Variants in PCDHA4 observed in about 807,000 individuals in gnomAD.
PCDHA4 encodes protocadherin alpha 4.
PCDHA4 carries 49 observed loss-of-function variants against 61.4 expected under a neutral mutation model. The ratio of observed to expected loss-of-function variants is 0.80; its 90% CI spans 0.63 to 1.01. The LOEUF (loss-of-function observed/expected upper bound fraction) is 1.01, where lower values mean the gene tolerates loss of function less well. Ranked by LOEUF, PCDHA4 falls within the 50% of genes least tolerant of loss-of-function variation. The pLI, the probability that PCDHA4 is intolerant of heterozygous loss-of-function variation, is 0.00. For synonymous variants in PCDHA4, 590 were observed against 550.3 expected (o/e 1.07, Z -1.01); for missense variants, 1,254 against 1,235.8 (o/e 1.01, Z -0.22).
chr5:140,841,816 C>G (rs2150323334), intron 1 of PCDHA4: 1 of 1,613,928 alleles, frequency 6.2e-7, no homozygotes, highest in East Asian at 2.2e-5. Flanking sequence ...TTGGAGCTAA[C>G]TCCGTGTTAA....
At chr5:140,835,885 A>G in intron 1 of PCDHA4, 3 of 1,611,866 alleles carry the variant, frequency 1.9e-6, no homozygotes, top group Non-Finnish European at 2.5e-6. Flanking sequence ...CGGGTGGGCG[A>G]GCGCGCGCTG....
In PCDHA4 at chr5:140,980,207, CT is replaced by C. The variant is rs2096880359; in HGVS notation, c.2444+1204del. Among the ~76,000 whole-genome samples, 4 of 152,182 alleles carry C rather than the reference CT, an allele frequency of 2.6e-5. No individual in the cohort carries two copies. In the South Asian group the frequency reaches 8.3e-4, roughly 31 times the overall value. On this transcript the variant is annotated intron_variant, in intron 2 of 3. Coordinates refer to ENST00000530339, the MANE Select transcript of PCDHA4 (RefSeq NM_018907.4). ...TATATTTATTAGAGACCAACTTGTGCTTTTGCCTGCATCTGAGCTGTTGGTG... is the reference window on the plus strand; with the variant it reads ...TATATTTATTAGAGACCAACTTGTGCTTTGCCTGCATCTGAGCTGTTGGTG...
At chr5:140,834,251 G>T in intron 1 of PCDHA4, 1 of 915,122 alleles carries the variant, frequency 1.1e-6, no homozygotes, top group Non-Finnish European at 1.7e-6. Context: ...GCACTGGAAA[G>T]ACGCTCCACT....
At chr5:140,816,351 T>C (rs1413125816) in intron 1 of PCDHA4, 1 of 152,232 alleles carries the variant, frequency 6.6e-6, no homozygotes, top group South Asian at 2.1e-4. Context: ...AATTTCTTTT[T>C]AGTTCTTTTG....
chr5:140,923,055 A>G (rs1233279179), intron 1 of PCDHA4, among the ~76,000 whole-genome samples: 1 of 152,236 alleles, frequency 6.6e-6, no homozygotes, highest in African/African-American at 2.4e-5. Flanking sequence ...TTTAGAATAA[A>G]AGAGCTAGGT....
At chr5:140,886,860 C>T (rs1363871264) in intron 1 of PCDHA4, among the ~76,000 whole-genome samples, 1 of 151,304 alleles carries the variant, frequency 6.6e-6, no homozygotes, top group East Asian at 1.9e-4. Flanking sequence ...AAGGTCTTCC[C>T]AACTCCTATA....
At chr5:140,816,096 C>T (rs1025590199) in intron 1 of PCDHA4, 1 of 152,092 alleles carries the variant, frequency 6.6e-6, no homozygotes, top group African/African-American at 2.4e-5. Flanking sequence ...GCTGTCTGTC[C>T]TTTTCTCTTA....
At position 140,836,827 on chromosome 5, in the gene PCDHA4, G is replaced by T; in HGVS notation, c.2385+27255G>T. The T allele has an allele frequency of 4.1e-6, 4 of 968,068 alleles. No individual in the cohort carries two copies. In the South Asian group the frequency reaches 7.2e-5, roughly 17 times the overall value. 60.0% of individuals were successfully genotyped at this position (968,068 alleles called of 1,614,324 possible). A position where few individuals can be genotyped will look rare whatever the true frequency, so the allele number is the denominator to read the frequency against. On this transcript the variant is annotated intron_variant, in intron 1 of 3. Transcript: ENST00000530339. ...ATTTTCTTTCATAATTTCTTTTTTA[G>T]TTGATAGCTTTATGTATAATTATTA...
chr5:140,997,384 A>T (rs2097769179), intron 3 of PCDHA4, among the ~76,000 whole-genome samples: 1 of 152,198 alleles, frequency 6.6e-6, no homozygotes, highest in South Asian at 2.1e-4. Context: ...AGCATACTAC[A>T]CACTTAGGCT....
chr5:140,883,724 G>T (rs1174982763), intron 1 of PCDHA4: 2 of 1,613,492 alleles, frequency 1.2e-6, no homozygotes, highest in Non-Finnish European at 1.7e-6. Context: ...GGACGCACAG[G>T]AGAACGCGCT....
In PCDHA4 at chr5:140,857,190, A is replaced by C. The variant is rs782160902; in HGVS notation, c.2385+47618A>C. The C allele has an allele frequency of 1.3e-5, 21 of 1,598,418 alleles. 2 individuals are homozygous for C. Among genetic ancestry groups the C allele is most frequent in the Non-Finnish European group, 8.6e-7 (1 of 1,167,936 alleles). On this transcript the variant is annotated intron_variant, in intron 1 of 3. Coordinates refer to ENST00000530339, the MANE Select transcript of PCDHA4 (RefSeq NM_018907.4). Reference sequence around the variant, plus strand: ...GTTTCTGACCATGATTCAGGAGCCAACGGACAGGTCACCTGCTCTCTGACG... The same window carrying C: ...GTTTCTGACCATGATTCAGGAGCCACCGGACAGGTCACCTGCTCTCTGACG...
chr5:140,995,334 T>C (rs2097677447), intron 3 of PCDHA4, among the ~76,000 whole-genome samples: 1 of 152,184 alleles, frequency 6.6e-6, no homozygotes, highest in Non-Finnish European at 1.5e-5. Context: ...GTGAGTAGTG[T>C]AGACGGCATG....
intron 1 of PCDHA4, chr5:140,929,108 C>T (rs1255119645): frequency 6.2e-7 from 1 of 1,614,080 alleles, no homozygotes; most frequent in African/African-American, 1.3e-5. Flanking sequence ...TGCATGACAT[C>T]AGCCACCATA....
Position 140,971,209 on chromosome 5 carries a change from C to A in PCDHA4, c.2386-7740C>A, listed in dbSNP as rs147218200. 2.2e-3 allele frequency among the ~76,000 whole-genome samples: 328 copies of A among 152,236 alleles called. 3 individuals are homozygous for A. Among genetic ancestry groups the A allele is most frequent in the African/African-American group, 7.7e-3 (319 of 41,534 alleles). Reference sequence around the variant, plus strand: ...AAGCTCAGAGGAAAGACACTGTTACCCTCCCTCTCCTGACTCAAAGCTTGG... The same window carrying A: ...AAGCTCAGAGGAAAGACACTGTTACACTCCCTCTCCTGACTCAAAGCTTGG... On this transcript the variant is annotated intron_variant, in intron 1 of 3. Coordinates refer to ENST00000530339, the MANE Select transcript of PCDHA4 (RefSeq NM_018907.4).
intron 1 of PCDHA4, among the ~76,000 whole-genome samples, chr5:140,948,646 G>A (rs1030231985): frequency 3.3e-5 from 5 of 151,616 alleles, no homozygotes; most frequent in South Asian, 2.1e-4. Context: ...ATCTTTTAAC[G>A]TCTGTATAAT....
At chr5:140,836,035 T>A in intron 1 of PCDHA4, 1 of 1,613,556 alleles carries the variant, frequency 6.2e-7, no homozygotes, top group East Asian at 2.2e-5. Context: ...AACGTGACGC[T>A]GCAGGTGTTC....
rs1554164263 is a variant in PCDHA4, at chr5:140,870,437, C to T, written c.2385+60865C>T. ...ACGGCCAGGGTATCCGTGGAGGTGG[C>T]CGACGTGAACGACAATGCGCCTGCG... On this transcript the variant is annotated intron_variant, in intron 1 of 3. Transcript: ENST00000530339. 3.1e-6 allele frequency: 5 copies of T among 1,614,210 alleles called. No homozygotes were observed. In the East Asian group the frequency reaches 1.1e-4, roughly 36 times the overall value.
At chr5:140,822,243 G>A (rs2150114837) in intron 1 of PCDHA4, 12 of 1,614,136 alleles carry the variant, frequency 7.4e-6, no homozygotes, top group Non-Finnish European at 1.0e-5. Flanking sequence ...TAGAGGGCGC[G>A]TCGGATTTGG....
intron 1 of PCDHA4, chr5:140,926,536 G>T (rs1420585785): frequency 4.6e-6 from 1 of 217,790 alleles, no homozygotes. Flanking sequence ...CGCAGCCAGC[G>T]TGGTGGTCGA....
Sources: allele counts gnomAD v4.1 joint callset (sites outside exome capture counted in the v4.1 genomes callset), GRCh38; gene constraint gnomAD v4.1.1; transcripts MANE v1.5; gene names NCBI Gene and HGNC (gene_info 2026-07-23, HGNC 2026-07-21).